The following NRAP variants were observed in gnomAD, a reference collection of about 807,000 sequenced individuals.
NRAP encodes nebulin-related-anchoring protein.
A neutral mutation model predicts 225.9 loss-of-function variants in NRAP; 189 were observed. The ratio of observed to expected loss-of-function variants is 0.84; its 90% CI spans 0.74 to 0.94. NRAP has a LOEUF of 0.94. Among genes scored for constraint, NRAP ranks in the 40% least tolerant of loss-of-function variants. NRAP has a pLI of 0.00. For missense variants in NRAP, 2,176 were observed against 2,168.7 expected (o/e 1.00, Z -0.07); for synonymous variants, 769 against 790.7 (o/e 0.97, Z 0.46).
chr10:113,629,119 T>C, intron 19 of NRAP, 98 bp from the exon 20 acceptor site: 1 of 895,390 alleles, frequency 1.1e-6, no homozygotes, highest in Non-Finnish European at 1.8e-6. Flanking sequence ...TGCATTTGCC[T>C]TCCTAGAAGA....
chr10:113,607,032 A>G, intron 32 of NRAP, among the ~76,000 whole-genome samples: 1 of 152,020 alleles, frequency 6.6e-6, no homozygotes, highest in East Asian at 1.9e-4. Context: ...GAGAAACCCC[A>G]TCTCTACTAA....
chr10:113,629,676 T>A lies in NRAP; in HGVS notation c.1952A>T (p.Asp651Val). 1 of 1,614,006 alleles carries A rather than the reference T, an allele frequency of 6.2e-7. No individual in the cohort carries two copies. The highest frequency in any genetic ancestry group is 8.5e-7 in the Non-Finnish European group (1 of 1,179,848). The change falls in exon 19 of 42, where the codon GAC (aspartate) becomes GTC (valine). Residue 651 changes from aspartate to valine, a missense_variant. Physicochemically the swap from Asp to Val is radical, Grantham distance 152. Coordinates refer to ENST00000359988, the MANE Select transcript of NRAP (RefSeq NM_198060.4). ...KKAQTLASDL[D>V]YRKKLHEYTV... ...GTATTCATGCAGTTTCTTCCTGTAG[T>A]CCAGGTCACTGGCGAGAGTTTGGGC...
At chr10:113,601,606 G>A (rs544530544) in intron 35 of NRAP, among the ~76,000 whole-genome samples, 1 of 152,354 alleles carries the variant, frequency 6.6e-6, no homozygotes, top group East Asian at 1.9e-4. Context: ...CCTTTAAAAT[G>A]TCAGCATAAG....
At chr10:113,643,819 T>C (rs1449852328) in intron 11 of NRAP, among the ~76,000 whole-genome samples, 2 of 152,230 alleles carry the variant, frequency 1.3e-5, no homozygotes, top group African/African-American at 4.8e-5. Context: ...CCACAGTTTG[T>C]TATCATATCT....
chr10:113,597,831 G>T, intron 36 of NRAP, 138 bp downstream of exon 36: 1 of 685,256 alleles, frequency 1.5e-6, no homozygotes, highest in Non-Finnish European at 2.7e-6. Flanking sequence ...GGATTTGGTT[G>T]CACATGGCCC....
rs528003679 is a variant in NRAP, at chr10:113,623,628, A to G, written c.2358T>C (p.Tyr786=). The G allele has an allele frequency of 1.9e-6, 3 of 1,612,572 alleles. No individual in the cohort carries two copies. In the Admixed American group the frequency reaches 5.0e-5, roughly 27 times the overall value. Residue 786 remains tyrosine, a synonymous_variant, in exon 23 of 42, where the codon TAT becomes TAC. Transcript: ENST00000359988. ...CTTTCTGGTTTTCCCAGCTGCTCTT[A>G]TACAGTTTCTAAGGGGATTTAGGAG... ...ANAANLSEKL[Y]KSSWENQKAK...
At chr10:113,643,182 G>T (rs1849306882) in intron 11 of NRAP, 144 bp from the exon 12 acceptor site, 3 of 460,928 alleles carry the variant, frequency 6.5e-6, no homozygotes, top group Middle Eastern at 2.9e-4. Flanking sequence ...TAAGTTAGCA[G>T]GACATATTTT....
chr10:113,661,161 A>T (rs533419365), intron 3 of NRAP, among the ~76,000 whole-genome samples: 1 of 152,302 alleles, frequency 6.6e-6, no homozygotes, highest in African/African-American at 2.4e-5. Context: ...AGACTTGTGA[A>T]TCCCTAGGAA....
At chr10:113,653,235 T>C (rs1350651720) in intron 5 of NRAP, among the ~76,000 whole-genome samples, 196 bp from the exon 6 acceptor site, 1 of 152,226 alleles carries the variant, frequency 6.6e-6, no homozygotes, top group Non-Finnish European at 1.5e-5. Context: ...ATATTTCCCA[T>C]GTCAAAGGGG....
At chr10:113,589,532 T>C in intron 41 of NRAP, 134 bp downstream of exon 41, 1 of 1,075,358 alleles carries the variant, frequency 9.3e-7, no homozygotes, top group Non-Finnish European at 1.3e-6. Flanking sequence ...ATTAGGCGCC[T>C]TGTTTGAGCT....
At position 113,604,602 on chromosome 10, in the gene NRAP, C is replaced by A. The variant is rs1564704698; in HGVS notation, c.4227+7G>T. On this transcript the variant is annotated splice_region_variant and intron_variant, in intron 35 of 41. Coordinates refer to ENST00000359988, the MANE Select transcript of NRAP (RefSeq NM_198060.4). ...GGCTGGTTTGCATTCCACAAGGCCA[C>A]CCCTACCTCACTCTGCAGGGCATGG... 2 of 1,610,508 alleles carry A rather than the reference C, an allele frequency of 1.2e-6. No homozygotes were observed. The highest frequency in any genetic ancestry group is 1.7e-6 in the Non-Finnish European group (2 of 1,177,232).
chr10:113,625,307 A>G (rs1475308471), intron 21 of NRAP, among the ~76,000 whole-genome samples: 1 of 152,238 alleles, frequency 6.6e-6, no homozygotes. Context: ...GGGAAAAATA[A>G]GAAGCATGCT....
chr10:113,610,650 G>A, intron 30 of NRAP, 87 bp from the exon 31 acceptor site: 1 of 742,978 alleles, frequency 1.3e-6, no homozygotes, highest in Non-Finnish European at 2.4e-6. Context: ...TCATGACACA[G>A]CATCTGACAG....
chr10:113,662,185 C>T (rs1850720918), intron 3 of NRAP, among the ~76,000 whole-genome samples: 1 of 152,172 alleles, frequency 6.6e-6, no homozygotes, highest in Non-Finnish European at 1.5e-5. Flanking sequence ...GGCAGGTTCA[C>T]ATGCAGACAG....
rs765909766 is a variant in NRAP, at chr10:113,657,584, G to A, written c.256-10C>T. On this transcript the variant is annotated splice_polypyrimidine_tract_variant and intron_variant, in intron 3 of 41. Coordinates refer to ENST00000359988, the MANE Select transcript of NRAP (RefSeq NM_198060.4). ...CTTCTTGGTCATGGATCTGCTCAAG[G>A]AAGATGTTGTCAGTAATGTTTCCAT... is the stretch of plus-strand genomic sequence containing the variant. 3 of 1,393,504 alleles carry A rather than the reference G, an allele frequency of 2.2e-6. No individual in the cohort carries two copies. In the East Asian group the frequency reaches 6.9e-5, roughly 32 times the overall value. The allele number at this position is 1,393,504 out of a possible 1,614,324, so 86.3% of individuals were successfully genotyped here.
intron 11 of NRAP, among the ~76,000 whole-genome samples, chr10:113,644,785 C>A (rs984790788): frequency 2.0e-5 from 3 of 152,138 alleles, no homozygotes; most frequent in Admixed American, 2.0e-4. Context: ...AGGTTAGAGA[C>A]GGAAAATATT....
Position 113,624,810 on chromosome 10 carries a change from C to T in NRAP, c.2349+16G>A, listed in dbSNP as rs1210510511. On this transcript the variant is annotated intron_variant, in intron 22 of 41. Transcript: ENST00000359988. ...AGGGGAGCAGAGTTCTTGCTGCCCA[C>T]TCATTCTCTCTGTACCTCGCTGAGA... is the stretch of plus-strand genomic sequence containing the variant. 1.3e-6 allele frequency: 2 copies of T among 1,595,672 alleles called. No individual in the cohort carries two copies. Among genetic ancestry groups the T allele is most frequent in the South Asian group, 1.1e-5 (1 of 90,432 alleles).
chr10:113,614,386 C>G, intron 28 of NRAP, 90 bp from the exon 29 acceptor site: 1 of 922,708 alleles, frequency 1.1e-6, no homozygotes, highest in Non-Finnish European at 1.8e-6. Context: ...ATGTTTTGTT[C>G]TTTTGACAGT....
chr10:113,626,398 T>C (rs1413326526), intron 20 of NRAP, among the ~76,000 whole-genome samples: 3 of 152,226 alleles, frequency 2.0e-5, no homozygotes, highest in African/African-American at 7.2e-5. Flanking sequence ...TTTCACCGTG[T>C]GCCCTGGGGA....
Sources: gnomAD v4.1 joint callset for allele counts (sites outside exome capture counted in the v4.1 genomes callset) on GRCh38, gnomAD v4.1.1 for gene constraint, MANE v1.5 for transcripts, NCBI Gene and HGNC (gene_info 2026-07-23, HGNC 2026-07-21) for gene names.